Variants in ATP10D observed in about 807,000 individuals in gnomAD.
ATP10D encodes the protein phospholipid-transporting ATPase VD.
In ATP10D, 89 loss-of-function variants were observed where a neutral mutation model predicts 144.8. The observed-to-expected ratio is 0.61, with a 90% confidence interval of 0.52 to 0.73. The LOEUF is 0.73. Among genes scored for constraint, ATP10D ranks in the 30% least tolerant of loss-of-function variants. The pLI, the probability that ATP10D is intolerant of heterozygous loss-of-function variation, is 0.00. For synonymous variants in ATP10D, 571 were observed against 615.1 expected, an observed-to-expected ratio of 0.93 and a Z score of 1.06; for missense variants, 1,603 against 1,714.8, an observed-to-expected ratio of 0.93 and a Z score of 1.15.
intron 10 of ATP10D, chr4:47,547,396 C>T (rs1427256888): frequency 2.6e-5 from 4 of 156,630 alleles, no homozygotes; most frequent in Non-Finnish European, 4.3e-5. Flanking sequence ...TCATGAGTTC[C>T]AGTGGGAAGT....
At chr4:47,505,981 G>A (rs1186361920) in intron 1 of ATP10D, among the ~76,000 whole-genome samples, 1 of 152,052 alleles carries the variant, frequency 6.6e-6, no homozygotes, top group African/African-American at 2.4e-5. Flanking sequence ...CTGCCCTACT[G>A]CAAACTTTTC....
At chr4:47,582,122 C>G (rs1186934315) in intron 21 of ATP10D, 58 bp downstream of exon 21, 12 of 1,356,078 alleles carry the variant, frequency 8.8e-6, no homozygotes, top group Non-Finnish European at 1.3e-5. Flanking sequence ...GGGGATATGT[C>G]TTCTATTAGC....
chr4:47,516,556 A>G lies in ATP10D; in HGVS notation c.485+886A>G, dbSNP rs113492538. On this transcript the variant is annotated intron_variant, in intron 3 of 22. Transcript: ENST00000273859. Reference sequence around the variant, plus strand: ...GTCTTCAATCTTATGTGATCCAAAGAGGAAAATGTTAGGAAAGGCTTCTCT... The same window carrying G: ...GTCTTCAATCTTATGTGATCCAAAGGGGAAAATGTTAGGAAAGGCTTCTCT... 8.8e-4 allele frequency among the ~76,000 whole-genome samples: 134 copies of G among 152,238 alleles called. 1 individual carries two copies. Among genetic ancestry groups the G allele is most frequent in the African/African-American group, 3.2e-3 (132 of 41,474 alleles).
rs917721024 is a variant in ATP10D at position 47,593,449 on chromosome 4, G to A, written c.*2068G>A. On this transcript the variant is annotated 3_prime_UTR_variant, in exon 23 of 23. Coordinates refer to ENST00000273859, the MANE Select transcript of ATP10D (RefSeq NM_020453.4). ...TAAACTGTATTTCTTTTTAAAATTT[G>A]GAAAATTTTTAATTCTGAAACACAA... is the stretch of plus-strand genomic sequence containing the variant. The A allele has an allele frequency of 2.6e-5, 4 of 151,872 alleles. No individual in the cohort carries two copies. The highest frequency in any genetic ancestry group is 9.7e-5 in the African/African-American group (4 of 41,372). 9.4% of individuals were successfully genotyped at this position (151,872 alleles called of 1,614,324 possible). A position where few individuals can be genotyped will look rare whatever the true frequency, so the allele number is the denominator to read the frequency against.
At chr4:47,573,472 T>G (rs1206309434) in intron 18 of ATP10D, among the ~76,000 whole-genome samples, 1 of 152,220 alleles carries the variant, frequency 6.6e-6, no homozygotes, top group Non-Finnish European at 1.5e-5. Context: ...TGGCTGTTGC[T>G]CACAGATGCA....
At chr4:47,496,883 C>T (rs773928822) in intron 1 of ATP10D, among the ~76,000 whole-genome samples, 7 of 151,912 alleles carry the variant, frequency 4.6e-5, no homozygotes, top group Admixed American at 6.6e-5. Context: ...ACTCTACTGC[C>T]CAGGCTGGAG....
intron 18 of ATP10D, among the ~76,000 whole-genome samples, chr4:47,573,653 T>C (rs1720079766): frequency 6.6e-6 from 1 of 152,212 alleles, no homozygotes; most frequent in African/African-American, 2.4e-5. Flanking sequence ...TATAAAATCA[T>C]ACGTAATCAG....
At chr4:47,539,241 C>G (rs940334502) in intron 9 of ATP10D, among the ~76,000 whole-genome samples, 3 of 152,068 alleles carry the variant, frequency 2.0e-5, no homozygotes, top group Non-Finnish European at 4.4e-5. Context: ...AAAAAATATA[C>G]TATATTTTCT....
At position 47,523,108 on chromosome 4, in the gene ATP10D, A is replaced by G. The variant is rs187325459; in HGVS notation, c.582A>G (p.Val194=). 202 of 1,613,988 alleles carry G rather than the reference A, an allele frequency of 1.3e-4. 2 individuals carry two copies. The East Asian group carries it at 4.5e-3, about 36-fold the overall frequency. The change falls in exon 4 of 23, where the codon GTA becomes GTG. Residue 194 remains valine, a synonymous_variant. Coordinates refer to ENST00000273859, the MANE Select transcript of ATP10D (RefSeq NM_020453.4). ...SCNEVIPADM[V]LLFSTDPDGI... ...ACGAGGTCATCCCTGCAGACATGGT[A>G]CTACTCTTTTCCACTGATCCAGATG... is the stretch of plus-strand genomic sequence containing the variant.
chr4:47,532,316 T>A (rs1717611288), intron 5 of ATP10D, among the ~76,000 whole-genome samples: 4 of 152,186 alleles, frequency 2.6e-5, no homozygotes, highest in African/African-American at 9.6e-5. Flanking sequence ...TCCCTAGGTT[T>A]CTGGGCAACA....
chr4:47,504,578 T>C (rs1161099420), intron 1 of ATP10D, among the ~76,000 whole-genome samples: 3 of 151,892 alleles, frequency 2.0e-5, no homozygotes, highest in Non-Finnish European at 4.4e-5. Flanking sequence ...TTTTTTTCTT[T>C]TTGAGATGGA....
chr4:47,494,872 C>T (rs536323643), intron 1 of ATP10D, among the ~76,000 whole-genome samples: 7 of 152,226 alleles, frequency 4.6e-5, no homozygotes, highest in South Asian at 2.1e-4. Flanking sequence ...AGCTTTCTTT[C>T]GCAGACTACC....
At chr4:47,584,489 T>TC (rs1720686195) in intron 21 of ATP10D, among the ~76,000 whole-genome samples, 1 of 152,110 alleles carries the variant, frequency 6.6e-6, no homozygotes, top group Non-Finnish European at 1.5e-5. Context: ...GCCTCCCAGG[T>TC]TCATGCCATT....
At chr4:47,497,282 C>T (rs1445258291) in intron 1 of ATP10D, among the ~76,000 whole-genome samples, 1 of 151,940 alleles carries the variant, frequency 6.6e-6, no homozygotes, top group Non-Finnish European at 1.5e-5. Flanking sequence ...GTGGAGAAAT[C>T]CCGTCTCTAC....
intron 1 of ATP10D, among the ~76,000 whole-genome samples, chr4:47,511,609 G>T (rs997334003): frequency 7.2e-5 from 11 of 152,158 alleles, no homozygotes; most frequent in African/African-American, 2.4e-4. Flanking sequence ...AGGAAAATAA[G>T]GGAATATGTT....
At chr4:47,498,922 C>A (rs1211066852) in intron 1 of ATP10D, among the ~76,000 whole-genome samples, 1 of 152,168 alleles carries the variant, frequency 6.6e-6, no homozygotes. Context: ...CTGGAGTTTG[C>A]CTTCCTTAGT....
Position 47,550,279 on chromosome 4 carries a change from T to C in ATP10D, c.1635+3417T>C, listed in dbSNP as rs1362595918. On this transcript the variant is annotated intron_variant, in intron 10 of 22. Coordinates refer to ENST00000273859, the MANE Select transcript of ATP10D (RefSeq NM_020453.4). The stretch of plus-strand genomic sequence containing the variant: ...GCTTCTCTCTGTTTTAAAACAAATT[T>C]AACATTTAAATTATATGAAATTTAA... Among the ~76,000 whole-genome samples, 3 of 152,274 alleles carry C rather than the reference T, an allele frequency of 2.0e-5. No homozygotes were observed. The East Asian group carries it at 5.8e-4, about 29-fold the overall frequency.
chr4:47,528,835 T>TA (rs1404518495), intron 5 of ATP10D, among the ~76,000 whole-genome samples: 1 of 152,134 alleles, frequency 6.6e-6, no homozygotes, highest in Admixed American at 6.6e-5. Context: ...TTTTACTTTT[T>TA]AGTAATAGTC....
intron 10 of ATP10D, among the ~76,000 whole-genome samples, chr4:47,552,766 G>A (rs897295010): frequency 1.8e-4 from 27 of 152,240 alleles, no homozygotes; most frequent in African/African-American, 6.5e-4. Flanking sequence ...TAATTGCTGA[G>A]ATCATTGATA....
Sources: allele counts gnomAD v4.1 joint callset (sites outside exome capture counted in the v4.1 genomes callset), GRCh38; gene constraint gnomAD v4.1.1; transcripts MANE v1.5; gene names NCBI Gene and HGNC (gene_info 2026-07-23, HGNC 2026-07-21).